Variants in SASH1 observed in about 807,000 individuals in gnomAD.
SASH1 encodes SAM and SH3 domain-containing protein 1.
In SASH1, 44 loss-of-function variants were observed where a neutral mutation model predicts 125.2. The ratio of observed to expected loss-of-function variants is 0.35; its 90% CI spans 0.28 to 0.45. The LOEUF (loss-of-function observed/expected upper bound fraction) is 0.45. Among genes scored for constraint, SASH1 ranks in the 20% least tolerant of loss-of-function variants. SASH1 has a pLI of 1.00. For synonymous variants in SASH1, 639 were observed against 649.1 expected (o/e 0.98, Z 0.24); for missense variants, 1,426 against 1,614.5 (o/e 0.88, Z 2.00).
chr6:148,238,260 A>G, the SASH1 span, among the ~76,000 whole-genome samples: 11 of 151,664 alleles, frequency 7.3e-5, no homozygotes, highest in Admixed American at 6.6e-4. Context: ...GTCTCTCTCT[A>G]TTGCTCAGGC....
In SASH1 at chr6:148,544,580, C is replaced by G; in HGVS notation, c.3110C>G (p.Pro1037Arg). ...CCCACCAGCCCTAGCGACTGTCCCC[C>G]AGCACTGGCTCCCAGGCCTCTCTCA... is the stretch of plus-strand genomic sequence containing the variant. ...ASPTSPSDCP[P>R]ALAPRPLSGQ... The change falls in exon 18 of 20, where the codon CCA becomes CGA. Residue 1037 changes from proline (P) to arginine (R), a missense_variant. By Grantham distance (103) the Pro-to-Arg change is moderately radical. Around this residue, in one of 3 missense-constraint regions of SASH1, gnomAD observed 634 missense variants for 694.4 expected, o/e 0.91. Transcript: ENST00000367467. This position sits in a 1 kb window ranked among gnomAD's most constrained non-coding sequence, Gnocchi z 6.4. 6.2e-7 allele frequency: 1 copy of G among 1,613,364 alleles called. No homozygotes were observed. The highest frequency in any genetic ancestry group is 8.5e-7 in the Non-Finnish European group (1 of 1,179,944).
At chr6:148,517,870 A>C (rs1780534700) in intron 9 of SASH1, among the ~76,000 whole-genome samples, 1 of 152,122 alleles carries the variant, frequency 6.6e-6, no homozygotes, top group Non-Finnish European at 1.5e-5. Context: ...GACTCACCTG[A>C]CTTCCCTGAA....
chr6:148,342,834 G>C (rs748220048), upstream of SASH1: 10 of 163,068 alleles, frequency 6.1e-5, no homozygotes, highest in African/African-American at 1.4e-4. Context: ...GCGCCGAGCG[G>C]GGTGGGAAAG....
At chr6:148,390,691 G>A (rs976829992) in intron 2 of SASH1, among the ~76,000 whole-genome samples, 13 of 152,124 alleles carry the variant, frequency 8.5e-5, no homozygotes, top group African/African-American at 2.9e-4. Context: ...GGGAGGCTGA[G>A]GCAGGAGACT....
At chr6:148,510,275 A>G (rs1431730378) in intron 8 of SASH1, among the ~76,000 whole-genome samples, 2 of 152,206 alleles carry the variant, frequency 1.3e-5, no homozygotes, top group Non-Finnish European at 2.9e-5. Context: ...AATATTGGAA[A>G]TCCACTTTTC....
chr6:148,352,045 A>C (rs1171908677), intron 1 of SASH1, among the ~76,000 whole-genome samples: 1 of 152,194 alleles, frequency 6.6e-6, no homozygotes, highest in South Asian at 2.1e-4. Context: ...TAACAACCTT[A>C]ATCTGTGAGT....
chr6:148,443,794 A>C (rs1227248876), intron 4 of SASH1, among the ~76,000 whole-genome samples: 1 of 152,148 alleles, frequency 6.6e-6, no homozygotes, highest in African/African-American at 2.4e-5. Context: ...GTCGCTATAG[A>C]ATAATTTATA....
intron 1 of SASH1, among the ~76,000 whole-genome samples, chr6:148,348,816 T>A (rs1042407903): frequency 5.9e-5 from 9 of 152,244 alleles, no homozygotes; most frequent in Admixed American, 5.9e-4. Context: ...TAGCGATACT[T>A]GCCCTTGAAT....
upstream of SASH1, chr6:148,342,505 T>C (rs183248380): frequency 3.7e-4 from 57 of 152,312 alleles, no homozygotes; most frequent in African/African-American, 1.3e-3. Flanking sequence ...CTCATTTCCA[T>C]GCAAAGAGCC....
chr6:148,500,208 T>C (rs1279845346), intron 8 of SASH1, among the ~76,000 whole-genome samples: 2 of 147,336 alleles, frequency 1.4e-5, no homozygotes. Flanking sequence ...TGCCATGCTA[T>C]CTGACAATAG....
At chr6:148,231,736 A>G in the SASH1 span, among the ~76,000 whole-genome samples, 25 of 151,648 alleles carry the variant, frequency 1.6e-4, no homozygotes, top group Non-Finnish European at 4.4e-5. Context: ...CCTTTAATAC[A>G]ACTAAACTCA....
At chr6:148,206,644 G>A in the SASH1 span, among the ~76,000 whole-genome samples, 1 of 151,906 alleles carries the variant, frequency 6.6e-6, no homozygotes, top group Non-Finnish European at 1.5e-5. Context: ...ACAAAAATTT[G>A]CCAGGGGTGA....
intron 1 of SASH1, among the ~76,000 whole-genome samples, chr6:148,387,613 TTTCTTTC>T (rs1783476515): frequency 2.9e-5 from 1 of 34,522 alleles, no homozygotes; most frequent in East Asian, 4.3e-4. Context: ...TCTTTCTTTC[TTTCTTTC>T]TTTCTTTCTT....
At position 148,468,567 on chromosome 6, in the gene SASH1, T is replaced by G. The variant is rs1562436545; in HGVS notation, c.409T>G (p.Ser137Ala). The G allele has an allele frequency of 1.2e-6, 2 of 1,609,234 alleles. No homozygotes were observed. The highest frequency in any genetic ancestry group is 1.3e-5 in the African/African-American group (1 of 74,956). ...ERKNPLHKSNSEDSSVGKGDW... is the reference protein window; with the variant it reads ...ERKNPLHKSNAEDSSVGKGDW... The stretch of plus-strand genomic sequence containing the variant: ...TAGGAACCCTCTTCATAAATCAAAC[T>G]CAGAAGACAGCTCTGTAGGTCAGTA... Residue 137 changes from serine to alanine, a missense_variant, in exon 5 of 20, where the codon TCA becomes GCA. By Grantham distance (99) the Ser-to-Ala change is moderately conservative. This residue lies in a region of SASH1 where 567 missense variants were observed against 575.6 expected (regional missense o/e 0.99). Coordinates refer to ENST00000367467, the MANE Select transcript of SASH1 (RefSeq NM_015278.5).
At chr6:148,214,946 C>G in the SASH1 span, among the ~76,000 whole-genome samples, 4 of 152,186 alleles carry the variant, frequency 2.6e-5, no homozygotes, top group African/African-American at 9.7e-5. Flanking sequence ...CCTGCCCTGG[C>G]CCTGTAGTCA....
chr6:148,410,173 C>T lies in SASH1; in HGVS notation c.285+19911C>T, dbSNP rs544002336. 1.0e-4 allele frequency among the ~76,000 whole-genome samples: 13 copies of T among 124,576 alleles called. No individual in the cohort carries two copies. The South Asian group carries it at 1.7e-3, about 16-fold the overall frequency. The allele number at this position is 124,576 out of a possible 152,430, so 81.7% of individuals were successfully genotyped here. A position where few individuals can be genotyped will look rare whatever the true frequency, so the allele number is the denominator to read the frequency against. On this transcript the variant is annotated intron_variant, in intron 2 of 19. Transcript: ENST00000367467. ...TTGCCCAGGCTGGAGTGCAGTGGCG[C>T]GATCTTGGCTCACTGCAACCTCCGC...
intron 1 of SASH1, among the ~76,000 whole-genome samples, chr6:148,347,867 T>G (rs187762530): frequency 3.3e-5 from 5 of 152,264 alleles, no homozygotes; most frequent in Admixed American, 3.3e-4. Context: ...AACTCTCATT[T>G]AGAGAGAAGG....
intron 2 of SASH1, among the ~76,000 whole-genome samples, chr6:148,430,898 T>C (rs1776034022): frequency 1.3e-5 from 2 of 152,194 alleles, no homozygotes; most frequent in Non-Finnish European, 2.9e-5. Context: ...TTATAGCCCT[T>C]TTAGAGTAAA....
intron 8 of SASH1, among the ~76,000 whole-genome samples, chr6:148,502,936 G>A (rs1324684472): frequency 2.0e-5 from 3 of 152,090 alleles, no homozygotes; most frequent in South Asian, 4.1e-4. Context: ...TTTCTCTTGC[G>A]GTTGTCGCGG....
Sources: allele counts gnomAD v4.1 joint callset (sites outside exome capture counted in the v4.1 genomes callset), GRCh38; gene constraint gnomAD v4.1.1; regional missense constraint gnomAD v4.1.1; non-coding constraint Gnocchi (gnomAD v3.1); transcripts MANE v1.5; gene names NCBI Gene and HGNC (gene_info 2026-07-23, HGNC 2026-07-21).